The following ESYT2 variants were observed in gnomAD, a reference collection of about 807,000 sequenced individuals.
ESYT2 encodes the protein extended synaptotagmin 2, also known as extended synaptotagmin-2.
ESYT2 carries 54 observed loss-of-function variants against 107.2 expected under a neutral mutation model. The ratio of observed to expected loss-of-function variants is 0.50; its 90% CI spans 0.40 to 0.63. ESYT2 has a LOEUF of 0.63. Among genes scored for constraint, ESYT2 ranks in the 30% least tolerant of loss-of-function variants. The pLI, the probability that ESYT2 is intolerant of heterozygous loss-of-function variation, is 0.00. For missense variants in ESYT2, 1,020 were observed against 1,094.5 expected, an observed-to-expected ratio of 0.93 and a Z score of 0.96; for synonymous variants, 491 against 434.1, an observed-to-expected ratio of 1.13 and a Z score of -1.63.
chr7:158,754,818 G>T (rs1333531741), intron 13 of ESYT2, among the ~76,000 whole-genome samples: 1 of 152,136 alleles, frequency 6.6e-6, no homozygotes, highest in Non-Finnish European at 1.5e-5. Context: ...GGAATCTCTA[G>T]TCTGTGTCAT....
At position 158,732,666 on chromosome 7, in the gene ESYT2, G is replaced by A. The variant is rs1836787010; in HGVS notation, c.*1541C>T. ...AAATAAGAATCTGCTAGAAGGGAGGGTGGGTAGACGCCACCCGCCCCGTCA... is the reference window on the plus strand; with the variant it reads ...AAATAAGAATCTGCTAGAAGGGAGGATGGGTAGACGCCACCCGCCCCGTCA... On this transcript the variant is annotated 3_prime_UTR_variant, in exon 23 of 23. Transcript: ENST00000275418. 1 of 152,574 alleles carries A rather than the reference G, an allele frequency of 6.6e-6. No individual in the cohort carries two copies. The highest frequency in any genetic ancestry group is 2.4e-5 in the African/African-American group (1 of 41,436). The allele number at this position is 152,574 out of a possible 1,614,324, so 9.5% of individuals were successfully genotyped here.
At chr7:158,789,805 T>C (rs1839224458) in intron 4 of ESYT2, among the ~76,000 whole-genome samples, 1 of 152,250 alleles carries the variant, frequency 6.6e-6, no homozygotes, top group Non-Finnish European at 1.5e-5. Context: ...ACTTGGCATA[T>C]GTTACGGCAG....
At chr7:158,779,307 G>C (rs1838687205) in intron 6 of ESYT2, among the ~76,000 whole-genome samples, 1 of 152,142 alleles carries the variant, frequency 6.6e-6, no homozygotes, top group Admixed American at 6.5e-5. Context: ...GGAGTGTGAG[G>C]CTGTAGTAGT....
rs148787568 is a variant in ESYT2 at position 158,735,369 on chromosome 7, T to C, written c.2505+134A>G. The C allele has an allele frequency of 2.5e-5, 17 of 670,754 alleles. No homozygotes were observed. The East Asian group carries it at 3.7e-4, about 14-fold the overall frequency. The allele number at this position is 670,754 out of a possible 1,614,324, so 41.6% of individuals were successfully genotyped here. ...ATGTTTTGACTGTCTTTATAGCCCATGATTTATAAACAAGCATCGACCTCG... is the reference window on the plus strand; with the variant it reads ...ATGTTTTGACTGTCTTTATAGCCCACGATTTATAAACAAGCATCGACCTCG... On this transcript the variant is annotated intron_variant, in intron 21 of 22. Coordinates refer to ENST00000275418, the MANE Select transcript of ESYT2 (RefSeq NM_001367773.1).
chr7:158,741,235 G>A (rs755750553), intron 18 of ESYT2, among the ~76,000 whole-genome samples: 2 of 152,222 alleles, frequency 1.3e-5, no homozygotes, highest in Non-Finnish European at 2.9e-5. Context: ...GCACACAGCA[G>A]CGTCCCGGCG....
At chr7:158,740,530 TGATGAGACTGCA>T (rs66517158) in intron 18 of ESYT2, among the ~76,000 whole-genome samples, 15,050 of 152,158 alleles carry the variant, frequency 0.099, 782 homozygotes, top group African/African-American at 0.11. Flanking sequence ...TCTTCCCATC[TGATGAGACTGCA>T]GCGCCCTTCC....
intron 6 of ESYT2, among the ~76,000 whole-genome samples, chr7:158,781,548 C>A (rs894870750): frequency 2.0e-5 from 3 of 151,308 alleles, no homozygotes; most frequent in African/African-American, 7.3e-5. Context: ...AGAACGAGAA[C>A]AAGTGAGTGA....
At chr7:158,760,628 C>T (rs1837929636) in intron 11 of ESYT2, among the ~76,000 whole-genome samples, 3 of 152,188 alleles carry the variant, frequency 2.0e-5, no homozygotes, top group South Asian at 4.1e-4. Flanking sequence ...ACCAAATGGC[C>T]TTTAACGGAA....
intron 21 of ESYT2, 151 bp downstream of exon 21, chr7:158,735,352 A>T: frequency 1.7e-6 from 1 of 584,744 alleles, no homozygotes; most frequent in Non-Finnish European, 3.0e-6. Context: ...AGATGTTTTG[A>T]CTGTCTTTAT....
chr7:158,745,254 C>G (rs5029135), intron 16 of ESYT2, among the ~76,000 whole-genome samples: 694 of 12,688 alleles, frequency 0.055, 11 homozygotes, highest in African/African-American at 0.089. Context: ...CTCCTAGGCC[C>G]GGCTGTTCAC....
intron 5 of ESYT2, 75 bp downstream of exon 5, chr7:158,788,270 C>T: frequency 7.0e-7 from 1 of 1,430,782 alleles, no homozygotes; most frequent in Non-Finnish European, 9.5e-7. Flanking sequence ...AAAAAACTTC[C>T]TAATTTTATT....
chr7:158,818,057 C>T (rs957988992), intron 1 of ESYT2, among the ~76,000 whole-genome samples: 6 of 152,144 alleles, frequency 3.9e-5, no homozygotes, highest in Non-Finnish European at 5.9e-5. Context: ...ATATAATACA[C>T]GTTAAAATTA....
chr7:158,820,969 T>C (rs949505880), intron 1 of ESYT2, among the ~76,000 whole-genome samples: 2 of 152,180 alleles, frequency 1.3e-5, no homozygotes, highest in African/African-American at 4.8e-5. Flanking sequence ...AAATGCCTAA[T>C]AAATGTCCAT....
Position 158,829,086 on chromosome 7 carries a change from C to A in ESYT2, c.330+3G>T. ...GTCGGGACGGGCAGGGGTCTGCACT[C>A]ACCCAGGCGGGCAGGTCGCAGGCGC... On this transcript the variant is annotated splice_donor_region_variant and intron_variant, in intron 1 of 22. Transcript: ENST00000275418. 1 of 1,584,616 alleles carries A rather than the reference C, an allele frequency of 6.3e-7. No individual in the cohort carries two copies. The highest frequency in any genetic ancestry group is 1.1e-5 in the South Asian group (1 of 89,824).
rs768545926 is a variant in ESYT2, at chr7:158,799,055, A to T, written c.348T>A (p.Thr116=). Residue 116 remains threonine, a synonymous_variant, in exon 2 of 23, where the codon ACT becomes ACA. Transcript: ENST00000275418. Reference sequence around the variant, plus strand: ...CCTTATTTAGCCATTCTGCTCTTTCAGTGTCTGGAAAATGAACCTAGGAGG... The same window carrying T: ...CCTTATTTAGCCATTCTGCTCTTTCTGTGTCTGGAAAATGAACCTAGGAGG... ...DLPAWVHFPD[T]ERAEWLNKTV... 4.3e-6 allele frequency: 7 copies of T among 1,613,700 alleles called. No homozygotes were observed. Among genetic ancestry groups the T allele is most frequent in the Non-Finnish European group, 5.9e-6 (7 of 1,179,656 alleles).
Position 158,770,128 on chromosome 7 carries a change from C to T in ESYT2, c.804-2354G>A, listed in dbSNP as rs549629348. 1.3e-4 allele frequency among the ~76,000 whole-genome samples: 19 copies of T among 151,910 alleles called. No individual in the cohort carries two copies. In the East Asian group the frequency reaches 3.3e-3, roughly 26 times the overall value. On this transcript the variant is annotated intron_variant, in intron 7 of 22. Transcript: ENST00000275418. Reference sequence around the variant, plus strand: ...TTGGTCTCAAACTCCCGACCTCAGGCGATCCACCCGCCTCAGCCTCCCAAA... The same window carrying T: ...TTGGTCTCAAACTCCCGACCTCAGGTGATCCACCCGCCTCAGCCTCCCAAA...
At chr7:158,821,730 C>T (rs1048567697) in intron 1 of ESYT2, among the ~76,000 whole-genome samples, 7 of 152,230 alleles carry the variant, frequency 4.6e-5, no homozygotes, top group Non-Finnish European at 1.0e-4. Flanking sequence ...TGAGTGCAGC[C>T]TTCTACCAGG....
intron 6 of ESYT2, among the ~76,000 whole-genome samples, chr7:158,786,198 C>T (rs753771944): frequency 6.6e-6 from 1 of 152,174 alleles, no homozygotes; most frequent in Non-Finnish European, 1.5e-5. Flanking sequence ...AAGATCCAAA[C>T]TAAGTAACAG....
intron 6 of ESYT2, among the ~76,000 whole-genome samples, chr7:158,785,883 G>T (rs139780806): frequency 4.3e-4 from 66 of 152,202 alleles, no homozygotes; most frequent in Admixed American, 2.4e-3. Context: ...TAAAGGTTTC[G>T]TAAGGGTTTC....
Sources: gnomAD v4.1 joint callset for allele counts (sites outside exome capture counted in the v4.1 genomes callset) on GRCh38, gnomAD v4.1.1 for gene constraint, MANE v1.5 for transcripts, NCBI Gene and HGNC (gene_info 2026-07-23, HGNC 2026-07-21) for gene names.